Variants in EEFSEC observed in about 807,000 individuals in gnomAD.
The protein encoded by EEFSEC is eukaryotic elongation factor, selenocysteine-tRNA specific.
EEFSEC carries 43 observed loss-of-function variants against 42.1 expected under a neutral mutation model. That is an observed-to-expected ratio of 1.02 (90% CI 0.80 to 1.32). EEFSEC has a LOEUF of 1.32. Among genes scored for constraint, EEFSEC ranks in the 40% most tolerant of loss-of-function variants. The pLI is 0.00. For synonymous variants in EEFSEC, 354 were observed against 339.1 expected (o/e 1.04, Z -0.48); for missense variants, 745 against 803.6 (o/e 0.93, Z 0.88).
chr3:128,250,734 C>T (rs2066176423), intron 2 of EEFSEC, among the ~76,000 whole-genome samples: 1 of 152,104 alleles, frequency 6.6e-6, no homozygotes, highest in African/African-American at 2.4e-5. Flanking sequence ...CTTGCAGTTC[C>T]ACATGAATTT....
intron 6 of EEFSEC, among the ~76,000 whole-genome samples, chr3:128,406,111 C>G (rs1333064045): frequency 6.6e-6 from 1 of 152,166 alleles, no homozygotes. Context: ...AGGTGCTCTG[C>G]CAGGGGTGGA....
At chr3:128,419,863 CA>C in the EEFSEC span, among the ~76,000 whole-genome samples, 1 of 152,160 alleles carries the variant, frequency 6.6e-6, no homozygotes, top group African/African-American at 2.4e-5. Context: ...GGGCCAGAGA[CA>C]GATTGCAGGA....
At chr3:128,313,627 G>T (rs1243582106) in intron 4 of EEFSEC, among the ~76,000 whole-genome samples, 4 of 152,228 alleles carry the variant, frequency 2.6e-5, no homozygotes, top group Non-Finnish European at 5.9e-5. Flanking sequence ...GCTTTGGCAA[G>T]TCAGGCTCTT....
intron 6 of EEFSEC, among the ~76,000 whole-genome samples, chr3:128,359,548 C>T (rs2067499693): frequency 6.6e-6 from 1 of 152,212 alleles, no homozygotes; most frequent in Admixed American, 6.5e-5. Flanking sequence ...CCCAGCTCCC[C>T]ACTGTCCTTT....
rs1016974724 is a variant in EEFSEC, at chr3:128,269,653, C to T, written c.786+4872C>T. Among the ~76,000 whole-genome samples the T allele has an allele frequency of 2.6e-5, 4 of 152,368 alleles. No homozygotes were observed. In the East Asian group the frequency reaches 7.7e-4, roughly 29 times the overall value. On this transcript the variant is annotated intron_variant, in intron 4 of 6. Transcript: ENST00000254730. ...GCTGGCCTGCGGAGCCTGCCATACC[C>T]TGGCCCCCGTTTCTGTTGCCCAGGT...
At chr3:128,318,159 C>A (rs1408576854) in intron 4 of EEFSEC, among the ~76,000 whole-genome samples, 2 of 152,244 alleles carry the variant, frequency 1.3e-5, no homozygotes, top group African/African-American at 2.4e-5. Flanking sequence ...CTGCATGAAG[C>A]TTGCATGGCG....
At chr3:128,416,326 C>A in the EEFSEC span, among the ~76,000 whole-genome samples, 1 of 152,174 alleles carries the variant, frequency 6.6e-6, no homozygotes, top group Non-Finnish European at 1.5e-5. Flanking sequence ...CGGCCTGGCC[C>A]ACCCTGCAGG....
At chr3:128,182,807 C>T (rs977185270) in intron 1 of EEFSEC, among the ~76,000 whole-genome samples, 32 of 145,930 alleles carry the variant, frequency 2.2e-4, no homozygotes, top group African/African-American at 7.5e-4. Context: ...CCCACCAGCC[C>T]TGCTGCTAGC....
chr3:128,321,748 G>T (rs552947902), intron 4 of EEFSEC, among the ~76,000 whole-genome samples: 1 of 152,320 alleles, frequency 6.6e-6, no homozygotes, highest in East Asian at 1.9e-4. Context: ...TGCCTGCTGG[G>T]TCTGCACTGG....
At chr3:128,392,331 T>G (rs4241495) in intron 6 of EEFSEC, among the ~76,000 whole-genome samples, 5 of 152,102 alleles carry the variant, frequency 3.3e-5, no homozygotes. Context: ...AAGTCATTCA[T>G]GCCATGTCAG....
intron 4 of EEFSEC, among the ~76,000 whole-genome samples, chr3:128,290,266 G>A (rs889636388): frequency 2.0e-5 from 3 of 151,712 alleles, no homozygotes; most frequent in Admixed American, 1.3e-4. Context: ...TTTGTATGGT[G>A]TGAAGAAAGG....
At position 128,273,537 on chromosome 3, in the gene EEFSEC, G is replaced by A. The variant is rs1316308482; in HGVS notation, c.786+8756G>A. On this transcript the variant is annotated intron_variant, in intron 4 of 6. Transcript: ENST00000254730. ...TGAATGGCATGCCCTTTTCCATCAG[G>A]CCCCTGAGAATCTGTTGCAGCTAGA... 2.0e-5 allele frequency among the ~76,000 whole-genome samples: 3 copies of A among 152,184 alleles called. No homozygotes were observed. In the East Asian group the frequency reaches 5.8e-4, roughly 29 times the overall value.
chr3:128,185,327 G>A (rs1370646793), intron 1 of EEFSEC, among the ~76,000 whole-genome samples: 1 of 151,834 alleles, frequency 6.6e-6, no homozygotes, highest in Non-Finnish European at 1.5e-5. Context: ...ATATTATGAA[G>A]CACTTCATAT....
chr3:128,414,444 G>C, the EEFSEC span, among the ~76,000 whole-genome samples: 1 of 152,200 alleles, frequency 6.6e-6, no homozygotes, highest in Non-Finnish European at 1.5e-5. Flanking sequence ...GGGGAGCGGA[G>C]CCAGGCCTTC....
At chr3:128,409,019 A>G (rs919041201), downstream of EEFSEC, among the ~76,000 whole-genome samples, 9 of 152,154 alleles carry the variant, frequency 5.9e-5, no homozygotes, top group Admixed American at 3.3e-4. Flanking sequence ...TGAGAACCAC[A>G]TACTTCCCAG....
At chr3:128,264,108 G>T (rs1293052789) in intron 3 of EEFSEC, among the ~76,000 whole-genome samples, 1 of 152,192 alleles carries the variant, frequency 6.6e-6, no homozygotes, top group Non-Finnish European at 1.5e-5. Context: ...GTACAGGCGA[G>T]GCTCAGCCAG....
At chr3:128,220,309 G>A (rs1383327225) in intron 1 of EEFSEC, among the ~76,000 whole-genome samples, 1 of 152,156 alleles carries the variant, frequency 6.6e-6, no homozygotes, top group East Asian at 1.9e-4. Flanking sequence ...GTGGAACCAG[G>A]AATAATCTCA....
Position 128,408,233 on chromosome 3 carries a change from C to T in EEFSEC, c.1765C>T (p.His589Tyr). 1.9e-6 allele frequency: 3 copies of T among 1,606,756 alleles called. No individual in the cohort carries two copies. Among genetic ancestry groups the T allele is most frequent in the Non-Finnish European group, 2.6e-6 (3 of 1,176,078 alleles). ...LTFKRYVFDTHKRMVQSP is the reference protein window; with the variant it reads ...LTFKRYVFDTYKRMVQSP Reference sequence around the variant, plus strand: ...TTTCAAGCGTTATGTCTTCGACACCCACAAGCGCATGGTTCAGTCTCCCTG... The same window carrying T: ...TTTCAAGCGTTATGTCTTCGACACCTACAAGCGCATGGTTCAGTCTCCCTG... Residue 589 changes from histidine to tyrosine, a missense_variant, in exon 7 of 7, where the codon CAC (histidine) becomes TAC (tyrosine). Transcript: ENST00000254730.
At chr3:128,382,387 G>A (rs1489193392) in intron 6 of EEFSEC, among the ~76,000 whole-genome samples, 4 of 152,174 alleles carry the variant, frequency 2.6e-5, no homozygotes, top group Non-Finnish European at 4.4e-5. Flanking sequence ...CAGCGGACAC[G>A]GCACCAGCAG....
Sources: allele counts gnomAD v4.1 joint callset (sites outside exome capture counted in the v4.1 genomes callset), GRCh38; gene constraint gnomAD v4.1.1; transcripts MANE v1.5; gene names NCBI Gene and HGNC (gene_info 2026-07-23, HGNC 2026-07-21).